CC2D2A: variants seen among roughly 807,000 people sequenced by gnomAD.
The protein encoded by CC2D2A is coiled-coil and C2 domain containing 2A.
CC2D2A carries 155 observed loss-of-function variants against 212.9 expected under a neutral mutation model. The ratio of observed to expected loss-of-function variants is 0.73; its 90% CI spans 0.64 to 0.83. CC2D2A has a LOEUF of 0.83. Among genes scored for constraint, CC2D2A ranks in the 40% least tolerant of loss-of-function variants. The probability of loss-of-function intolerance (pLI) is 0.00; values close to 1 mark genes in which losing one functional copy is unlikely to be tolerated. For synonymous variants in CC2D2A, 667 were observed against 686.5 expected (o/e 0.97, Z 0.44); for missense variants, 1,856 against 1,956.2 (o/e 0.95, Z 0.97).
Position 15,550,585 on chromosome 4 carries a change from TC to T in CC2D2A, c.2182-236del, listed in dbSNP as rs1346355070. On this transcript the variant is annotated intron_variant, in intron 17 of 36. Coordinates refer to ENST00000424120, the MANE Select transcript of CC2D2A (RefSeq NM_001378615.1). The stretch of plus-strand genomic sequence containing the variant: ...TCCTCGCCTGCTACTTTGATTAGCC[TC>T]CCTACCCAGAAGATTAGTCCAGGCA... Among the ~76,000 whole-genome samples, 4 of 152,176 alleles carry T rather than the reference TC, an allele frequency of 2.6e-5. No individual in the cohort carries two copies. The East Asian group carries it at 7.7e-4, about 29-fold the overall frequency.
In CC2D2A at chr4:15,516,015, A is replaced by G. The variant is rs1266029108; in HGVS notation, c.1017+11A>G. The G allele has an allele frequency of 1.3e-6, 2 of 1,583,316 alleles. No homozygotes were observed. Among genetic ancestry groups the G allele is most frequent in the Middle Eastern group, 1.7e-4 (1 of 5,996 alleles). ...CTGATGCAGGACCCCGTAAGTGTGC[A>G]CCCTCTGCTCTCAGGTGTAGCCTGG... On this transcript the variant is annotated intron_variant, in intron 10 of 36. Transcript: ENST00000424120.
intron 24 of CC2D2A, among the ~76,000 whole-genome samples, chr4:15,565,940 T>C (rs1157921986): frequency 6.6e-6 from 1 of 152,212 alleles, no homozygotes; most frequent in African/African-American, 2.4e-5. Context: ...AAGTAACTGA[T>C]GGTTTTCCAA....
At chr4:15,516,849 T>G in intron 11 of CC2D2A, 93 bp downstream of exon 11, 1 of 1,239,864 alleles carries the variant, frequency 8.1e-7, no homozygotes, top group Non-Finnish European at 1.1e-6. Flanking sequence ...AACATTCTAC[T>G]TTAATTTTTT....
intron 6 of CC2D2A, among the ~76,000 whole-genome samples, chr4:15,507,764 G>T (rs4698392): frequency 6.6e-6 from 1 of 152,090 alleles, no homozygotes; most frequent in East Asian, 1.9e-4. Flanking sequence ...CTTGGAGAAC[G>T]TAACAGTGGC....
chr4:15,492,924 G>T, intron 4 of CC2D2A: 1 of 540,612 alleles, frequency 1.8e-6, no homozygotes, highest in Non-Finnish European at 3.6e-6. Context: ...ATGCCCTTGA[G>T]GGGGCCCTCT....
In CC2D2A at chr4:15,500,105, GTGTATA is replaced by G. The variant is rs1334828893; in HGVS notation, c.248-2322_248-2317del. On this transcript the variant is annotated intron_variant, in intron 4 of 36. Coordinates refer to ENST00000424120, the MANE Select transcript of CC2D2A (RefSeq NM_001378615.1). ...TGTGTGTGTGTGTGTGTGTGTGTGT[GTGTATA>G]TATATATATATATATATATATGTAT... Among the ~76,000 whole-genome samples, 117 of 66,852 alleles carry G rather than the reference GTGTATA, an allele frequency of 1.8e-3. 1 individual carries two copies. Among genetic ancestry groups the G allele is most frequent in the African/African-American group, 4.6e-3 (96 of 21,004 alleles). 43.9% of individuals were successfully genotyped at this position (66,852 alleles called of 152,430 possible).
rs1295415469 is a variant in CC2D2A at position 15,480,571 on chromosome 4, G to A, written c.124-133G>A. 4.1e-6 allele frequency: 4 copies of A among 982,992 alleles called. No homozygotes were observed. The African/African-American group carries it at 5.1e-5, about 12-fold the overall frequency. 60.9% of individuals were successfully genotyped at this position (982,992 alleles called of 1,614,324 possible). A position where few individuals can be genotyped will look rare whatever the true frequency, so the allele number is the denominator to read the frequency against. On this transcript the variant is annotated intron_variant, in intron 3 of 36. Coordinates refer to ENST00000424120, the MANE Select transcript of CC2D2A (RefSeq NM_001378615.1). ...GGTGGGTACTCACAGTGAGTCAGGTGACAGAGACTGTGGTTATCCAGATGT... is the reference window on the plus strand; with the variant it reads ...GGTGGGTACTCACAGTGAGTCAGGTAACAGAGACTGTGGTTATCCAGATGT...
At chr4:15,535,874 A>G (rs1560170359) in intron 14 of CC2D2A, among the ~76,000 whole-genome samples, 2 of 152,212 alleles carry the variant, frequency 1.3e-5, no homozygotes, top group South Asian at 2.1e-4. Flanking sequence ...CACCATCTCC[A>G]AAGTGCTGGG....
chr4:15,574,095 C>A (rs4280723), intron 28 of CC2D2A, 55 bp from the exon 29 acceptor site: 1 of 1,431,828 alleles, frequency 7.0e-7, no homozygotes, highest in East Asian at 2.5e-5. Flanking sequence ...ACTTGCCTCT[C>A]AACTTCTGTT....
At chr4:15,586,421 G>A (rs544156505) in intron 31 of CC2D2A, among the ~76,000 whole-genome samples, 175 bp downstream of exon 31, 1 of 152,154 alleles carries the variant, frequency 6.6e-6, no homozygotes, top group African/African-American at 2.4e-5. Flanking sequence ...ATTTTCTCAA[G>A]GTTCAGAAGT....
At chr4:15,543,419 G>A (rs1718559726) in intron 17 of CC2D2A, among the ~76,000 whole-genome samples, 1 of 152,114 alleles carries the variant, frequency 6.6e-6, no homozygotes, top group South Asian at 2.1e-4. Context: ...AAAGGGGATT[G>A]GAGTTGGAGG....
intron 18 of CC2D2A, among the ~76,000 whole-genome samples, chr4:15,552,127 G>A (rs369012143): frequency 2.0e-5 from 3 of 152,282 alleles, no homozygotes; most frequent in African/African-American, 7.2e-5. Context: ...TCCTTTAGTT[G>A]ATTAAATAAC....
intron 3 of CC2D2A, 25 bp downstream of exon 3, chr4:15,478,831 C>T (rs1389162792): frequency 3.9e-6 from 6 of 1,520,074 alleles, no homozygotes; most frequent in African/African-American, 2.8e-5. Context: ...GAAACTGTGT[C>T]TGCGTATTGT....
chr4:15,485,201 G>A (rs935644251), intron 4 of CC2D2A, among the ~76,000 whole-genome samples: 1 of 152,160 alleles, frequency 6.6e-6, no homozygotes, highest in African/African-American at 2.4e-5. Context: ...AATTGTTTTA[G>A]CTCCCACATA....
intron 4 of CC2D2A, among the ~76,000 whole-genome samples, chr4:15,487,716 A>T (rs998500919): frequency 6.6e-6 from 1 of 151,002 alleles, no homozygotes; most frequent in African/African-American, 2.4e-5. Flanking sequence ...TTGTTTTGTT[A>T]GTCCTCTCTT....
intron 33 of CC2D2A, among the ~76,000 whole-genome samples, chr4:15,594,042 C>T (rs950872883): frequency 6.6e-6 from 1 of 152,112 alleles, no homozygotes; most frequent in Non-Finnish European, 1.5e-5. Context: ...CCTCTCTCCC[C>T]CTTCCTCTGA....
chr4:15,515,221 A>G (rs1368886310), intron 9 of CC2D2A, among the ~76,000 whole-genome samples: 1 of 152,140 alleles, frequency 6.6e-6, no homozygotes. Flanking sequence ...TTACTACTCT[A>G]TGGCGTGATC....
chr4:15,591,131 T>C (rs1306181382), intron 33 of CC2D2A, among the ~76,000 whole-genome samples: 2 of 152,198 alleles, frequency 1.3e-5, no homozygotes, highest in African/African-American at 4.8e-5. Context: ...TTCGTATCAA[T>C]ATACCAAAAA....
chr4:15,476,592 C>T (rs892371437), intron 2 of CC2D2A, among the ~76,000 whole-genome samples: 4 of 152,162 alleles, frequency 2.6e-5, no homozygotes, highest in Admixed American at 6.5e-5. Flanking sequence ...CTGAATGCTC[C>T]GAAGCTGTTT....
Sources: allele counts gnomAD v4.1 joint callset (sites outside exome capture counted in the v4.1 genomes callset), GRCh38; gene constraint gnomAD v4.1.1; transcripts MANE v1.5; gene names NCBI Gene and HGNC (gene_info 2026-07-23, HGNC 2026-07-21).